ANKS1B: variants seen among roughly 807,000 people sequenced by gnomAD.
ANKS1B encodes ankyrin repeat and sterile alpha motif domain containing 1B, also known as ankyrin repeat and sterile alpha motif domain-containing protein 1B.
Under a neutral mutation model 148.3 loss-of-function variants are expected in ANKS1B, and 36 were observed. The ratio of observed to expected loss-of-function variants is 0.24; its 90% CI spans 0.19 to 0.32. ANKS1B has a LOEUF of 0.32. ANKS1B is among the 10% of genes least tolerant of loss of function. The pLI is 1.00. For missense variants in ANKS1B, 1,157 were observed against 1,542.6 expected (o/e 0.75, Z 4.19); for synonymous variants, 542 against 560.8 (o/e 0.97, Z 0.47).
intron 15 of ANKS1B, 28 bp downstream of exon 15, chr12:99,154,261 A>G (rs1233165460): frequency 6.2e-7 from 1 of 1,612,248 alleles, no homozygotes; most frequent in Non-Finnish European, 8.5e-7. Flanking sequence ...GACAAAAGGC[A>G]GCTCCGTGGA....
intron 12 of ANKS1B, among the ~76,000 whole-genome samples, chr12:99,355,677 C>A (rs1300925835): frequency 6.6e-6 from 1 of 152,132 alleles, no homozygotes; most frequent in Non-Finnish European, 1.5e-5. Flanking sequence ...GCTAATAACT[C>A]TGCTTTCATG....
At chr12:98,823,633 A>C (rs956405739) in intron 19 of ANKS1B, among the ~76,000 whole-genome samples, 2 of 152,222 alleles carry the variant, frequency 1.3e-5, no homozygotes, top group African/African-American at 4.8e-5. Context: ...CTGGGACTAC[A>C]GGCATCCGCC....
Position 99,612,631 on chromosome 12 carries a change from ATTTAAC to A in ANKS1B, c.1272+42430_1272+42435del, listed in dbSNP as rs1296320690. ...TGCATTACCTCATTTCATTATGCTTATTTAACTTTATTTTTAGGATAAAATCAACTG... is the reference window on the plus strand; with the variant it reads ...TGCATTACCTCATTTCATTATGCTTATTTATTTTTAGGATAAAATCAACTG... On this transcript the variant is annotated intron_variant, in intron 9 of 26. Coordinates refer to ENST00000683438, the MANE Select transcript of ANKS1B (RefSeq NM_001352186.2). Among the ~76,000 whole-genome samples, 3 of 152,102 alleles carry A rather than the reference ATTTAAC, an allele frequency of 2.0e-5. No individual in the cohort carries two copies. The East Asian group carries it at 5.8e-4, about 29-fold the overall frequency.
chr12:99,203,612 G>A (rs189865035), intron 14 of ANKS1B, among the ~76,000 whole-genome samples: 197 of 151,996 alleles, frequency 1.3e-3, no homozygotes, highest in African/African-American at 4.3e-3. Flanking sequence ...CACCAAGCCC[G>A]ACAAATTTTT....
At chr12:99,587,155 C>T (rs751223465) in intron 9 of ANKS1B, among the ~76,000 whole-genome samples, 6 of 152,104 alleles carry the variant, frequency 3.9e-5, no homozygotes, top group African/African-American at 1.4e-4. Context: ...GATCTTACTA[C>T]TTTTTGTCTA....
At chr12:99,917,772 T>C (rs910844691) in intron 1 of ANKS1B, among the ~76,000 whole-genome samples, 1 of 152,208 alleles carries the variant, frequency 6.6e-6, no homozygotes, top group Non-Finnish European at 1.5e-5. Context: ...GGCTCAGCTT[T>C]AGAATAACTG....
chr12:99,399,759 T>C lies in ANKS1B; in HGVS notation c.1628A>G (p.His543Arg), dbSNP rs1445203086. ...VSSLDFHRMNHNQEYFEINTS... is the reference protein window; with the variant it reads ...VSSLDFHRMNRNQEYFEINTS... ...GTTGATTTCAAAATATTCTTGGTTGTGATTCATTCGGTGAAAATCCAGAGA... is the reference window on the plus strand; with the variant it reads ...GTTGATTTCAAAATATTCTTGGTTGCGATTCATTCGGTGAAAATCCAGAGA... Residue 543 changes from histidine (H) to arginine (R), a missense_variant, in exon 12 of 27, where the codon CAC becomes CGC. Physicochemically the swap from His to Arg is conservative, Grantham distance 29 (BLOSUM62 0). Transcript: ENST00000683438. The C allele has an allele frequency of 6.2e-7, 1 of 1,613,408 alleles. No individual in the cohort carries two copies. Among genetic ancestry groups the C allele is most frequent in the Non-Finnish European group, 8.5e-7 (1 of 1,179,534 alleles).
chr12:99,288,884 A>T (rs2079516258), intron 12 of ANKS1B, among the ~76,000 whole-genome samples: 1 of 152,100 alleles, frequency 6.6e-6, no homozygotes, highest in African/African-American at 2.4e-5. Context: ...AAATAACAAA[A>T]TGGTGGTAGT....
At chr12:99,447,896 A>T (rs1315068380) in intron 10 of ANKS1B, among the ~76,000 whole-genome samples, 4 of 152,124 alleles carry the variant, frequency 2.6e-5, no homozygotes, top group Non-Finnish European at 5.9e-5. Context: ...CAGAACTACA[A>T]TGAAATATCA....
intron 9 of ANKS1B, among the ~76,000 whole-genome samples, chr12:99,637,935 C>T (rs2098257611): frequency 1.3e-5 from 2 of 151,752 alleles, no homozygotes; most frequent in Admixed American, 1.3e-4. Flanking sequence ...CACCATGTGT[C>T]ATGGGAGGGA....
downstream of ANKS1B, among the ~76,000 whole-genome samples, chr12:98,740,735 AACT>A (rs1363859195): frequency 1.3e-5 from 2 of 152,166 alleles, no homozygotes; most frequent in Admixed American, 1.3e-4. Flanking sequence ...GCTCAGCTAA[AACT>A]AACAATTGCA....
chr12:99,454,308 T>C (rs943584444), intron 10 of ANKS1B, among the ~76,000 whole-genome samples: 2 of 152,368 alleles, frequency 1.3e-5, no homozygotes, highest in African/African-American at 4.8e-5. Flanking sequence ...GATCAAATGC[T>C]ACTTTCATCT....
rs368114507 is a variant in ANKS1B, at chr12:99,925,426, TAA to T, written c.134+58676_134+58677del. Among the ~76,000 whole-genome samples the T allele has an allele frequency of 5.9e-5, 9 of 152,282 alleles. No individual in the cohort carries two copies. In the South Asian group the frequency reaches 1.7e-3, roughly 28 times the overall value. The stretch of plus-strand genomic sequence containing the variant: ...TTCTCAGCCTGGGCTCCGGGAAGAA[TAA>T]AAAAGTCTCCCTGAGAATTCTTAAA... On this transcript the variant is annotated intron_variant, in intron 1 of 26. Coordinates refer to ENST00000683438, the MANE Select transcript of ANKS1B (RefSeq NM_001352186.2).
chr12:99,968,348 G>A (rs903493743), intron 1 of ANKS1B, among the ~76,000 whole-genome samples: 54 of 152,060 alleles, frequency 3.6e-4, no homozygotes, highest in African/African-American at 1.2e-3. Flanking sequence ...ACGAGGTCAG[G>A]AAATCGAGAC....
At chr12:99,971,617 A>G (rs921099243) in intron 1 of ANKS1B, among the ~76,000 whole-genome samples, 3 of 150,932 alleles carry the variant, frequency 2.0e-5, no homozygotes, top group Non-Finnish European at 4.4e-5. Context: ...AAAAAAAAAA[A>G]AAAGAAAGAA....
intron 17 of ANKS1B, among the ~76,000 whole-genome samples, chr12:98,870,520 G>T (rs139600200): frequency 6.6e-6 from 1 of 152,270 alleles, no homozygotes; most frequent in Non-Finnish European, 1.5e-5. Flanking sequence ...CCACTTTCAG[G>T]CCTGCCTGGG....
rs181901523 is a variant in ANKS1B at position 99,603,463 on chromosome 12, G to T, written c.1272+51604C>A. 6.0e-4 allele frequency among the ~76,000 whole-genome samples: 91 copies of T among 152,150 alleles called. 1 individual carries two copies. The highest frequency in any genetic ancestry group is 2.7e-3 in the Admixed American group (41 of 15,276). ...AACCATGCCAGTTATTGCAAAGCGG[G>T]CTTTATTGGCTCCATAATGTCAACC... On this transcript the variant is annotated intron_variant, in intron 9 of 26. Transcript: ENST00000683438.
At chr12:99,691,826 A>G (rs2098680709) in intron 8 of ANKS1B, among the ~76,000 whole-genome samples, 1 of 152,188 alleles carries the variant, frequency 6.6e-6, no homozygotes, top group Non-Finnish European at 1.5e-5. Context: ...GGACCCAGTT[A>G]AGCTATGCCT....
intron 1 of ANKS1B, among the ~76,000 whole-genome samples, chr12:99,870,141 C>T (rs537817499): frequency 2.8e-4 from 43 of 152,108 alleles, no homozygotes; most frequent in Non-Finnish European, 4.9e-4. Flanking sequence ...GCAATCTCTA[C>T]GTCCATGAGT....
Sources: allele counts gnomAD v4.1 joint callset (sites outside exome capture counted in the v4.1 genomes callset), GRCh38; gene constraint gnomAD v4.1.1; transcripts MANE v1.5; gene names NCBI Gene and HGNC (gene_info 2026-07-23, HGNC 2026-07-21).